Variants in SNX29 observed in about 807,000 individuals in gnomAD.
SNX29 encodes sorting nexin 29.
Under a neutral mutation model 102.1 loss-of-function variants are expected in SNX29, and 78 were observed. The ratio of observed to expected loss-of-function variants is 0.76; its 90% CI spans 0.64 to 0.92. The LOEUF (loss-of-function observed/expected upper bound fraction) is 0.92, where lower values mean the gene tolerates loss of function less well. Ranked by LOEUF, SNX29 falls within the 40% of genes least tolerant of loss-of-function variation. The probability of loss-of-function intolerance (pLI) is 0.00; values close to 1 mark genes in which losing one functional copy is unlikely to be tolerated. For synonymous variants in SNX29, 580 were observed against 414.5 expected, an observed-to-expected ratio of 1.40 and a Z score of -4.85; for missense variants, 1,280 against 1,061.7, an observed-to-expected ratio of 1.21 and a Z score of -2.86.
chr16:12,438,178 T>G (rs1237186983), intron 18 of SNX29, among the ~76,000 whole-genome samples: 3 of 152,154 alleles, frequency 2.0e-5, no homozygotes, highest in Non-Finnish European at 2.9e-5. Flanking sequence ...CTATCTTTAT[T>G]CTGACCTACT....
At chr16:12,519,674 T>G (rs1258826775) in intron 19 of SNX29, among the ~76,000 whole-genome samples, 2 of 152,210 alleles carry the variant, frequency 1.3e-5, no homozygotes, top group Non-Finnish European at 2.9e-5. Context: ...TCATTAAAAT[T>G]TGTGCTGCTT....
intron 11 of SNX29, among the ~76,000 whole-genome samples, chr16:12,102,260 A>T (rs1452810116): frequency 2.6e-5 from 4 of 152,208 alleles, no homozygotes; most frequent in Non-Finnish European, 5.9e-5. Context: ...AGCATGATTT[A>T]TAAACCTTTG....
At chr16:12,382,329 G>A (rs542399434) in intron 16 of SNX29, among the ~76,000 whole-genome samples, 1 of 152,284 alleles carries the variant, frequency 6.6e-6, no homozygotes, top group Admixed American at 6.5e-5. Context: ...TGCTCCGTCG[G>A]ACCCCACAGC....
At chr16:12,409,978 GT>G (rs920225865) in intron 18 of SNX29, among the ~76,000 whole-genome samples, 8 of 151,622 alleles carry the variant, frequency 5.3e-5, no homozygotes, top group Non-Finnish European at 1.0e-4. Flanking sequence ...TCAGCAAAGC[GT>G]TTTTTTTGTT....
chr16:11,988,216 CCCGGGAGG>C (rs960043952), intron 1 of SNX29, among the ~76,000 whole-genome samples: 2 of 151,430 alleles, frequency 1.3e-5, no homozygotes, highest in Admixed American at 6.6e-5. Flanking sequence ...ATCACTTGAA[CCCGGGAGG>C]CAGAGATTGC....
intron 18 of SNX29, among the ~76,000 whole-genome samples, chr16:12,411,544 T>G (rs905279377): frequency 2.0e-5 from 3 of 152,216 alleles, no homozygotes; most frequent in African/African-American, 4.8e-5. Flanking sequence ...TCTTTCCAAA[T>G]AGGAAGAATT....
chr16:12,344,698 A>G (rs2081735050), intron 15 of SNX29, among the ~76,000 whole-genome samples: 2 of 152,252 alleles, frequency 1.3e-5, no homozygotes, highest in Non-Finnish European at 2.9e-5. Flanking sequence ...TCTTAATGAC[A>G]GTGGCCTCAC....
intron 14 of SNX29, among the ~76,000 whole-genome samples, chr16:12,266,530 T>A (rs1178124403): frequency 1.3e-5 from 2 of 152,122 alleles, no homozygotes; most frequent in African/African-American, 4.8e-5. Context: ...TCCAAGGGAC[T>A]TCAGAGCTGT....
chr16:12,267,796 C>G (rs2078972244), intron 14 of SNX29, among the ~76,000 whole-genome samples: 1 of 152,196 alleles, frequency 6.6e-6, no homozygotes, highest in Admixed American at 6.5e-5. Flanking sequence ...TGCATATACC[C>G]TGTGGAGTGA....
At chr16:12,184,181 G>A (rs1303831974) in intron 13 of SNX29, among the ~76,000 whole-genome samples, 3 of 152,162 alleles carry the variant, frequency 2.0e-5, no homozygotes, top group Admixed American at 2.0e-4. Context: ...ATAGTATTAT[G>A]CTGGAGAAAA....
intron 13 of SNX29, among the ~76,000 whole-genome samples, chr16:12,132,140 C>T (rs1469575767): frequency 6.6e-6 from 1 of 151,632 alleles, no homozygotes; most frequent in Non-Finnish European, 1.5e-5. Context: ...CCTGTCGTGC[C>T]CAGGCTGGAG....
intron 20 of SNX29, among the ~76,000 whole-genome samples, chr16:12,556,152 A>C (rs1355123216): frequency 6.6e-6 from 1 of 152,006 alleles, no homozygotes; most frequent in Non-Finnish European, 1.5e-5. Context: ...GGAGTGGTTA[A>C]ATCGCTTTGT....
chr16:12,543,038 A>G (rs1016818368), intron 20 of SNX29, among the ~76,000 whole-genome samples: 4 of 152,168 alleles, frequency 2.6e-5, no homozygotes, highest in African/African-American at 9.7e-5. Context: ...CCAGAGGCTC[A>G]AAAAGTGTCA....
chr16:12,540,256 G>T (rs7499091), intron 20 of SNX29, among the ~76,000 whole-genome samples: 1 of 151,820 alleles, frequency 6.6e-6, no homozygotes, highest in Non-Finnish European at 1.5e-5. Context: ...CACCCCCAGC[G>T]TAAGGTCAAG....
At chr16:12,139,281 G>C (rs1306371380) in intron 13 of SNX29, among the ~76,000 whole-genome samples, 1 of 150,108 alleles carries the variant, frequency 6.7e-6, no homozygotes, top group Non-Finnish European at 1.5e-5. Flanking sequence ...AGGTCCCTCT[G>C]AGATACGCTT....
At chr16:12,074,881 T>A (rs1038180934) in intron 10 of SNX29, among the ~76,000 whole-genome samples, 11 of 152,192 alleles carry the variant, frequency 7.2e-5, no homozygotes, top group African/African-American at 2.7e-4. Flanking sequence ...TTCTTTTTTC[T>A]CTCAAATTCC....
chr16:12,150,912 C>T (rs1051665787), intron 13 of SNX29, among the ~76,000 whole-genome samples: 12 of 152,206 alleles, frequency 7.9e-5, no homozygotes, highest in Non-Finnish European at 1.6e-4. Context: ...GATAGGACCC[C>T]TGTTTTCCTC....
chr16:12,161,453 C>CT, intron 13 of SNX29, among the ~76,000 whole-genome samples: 1 of 152,288 alleles, frequency 6.6e-6, no homozygotes. Flanking sequence ...GCTGCAGCTT[C>CT]TTTAAGTGGC....
intron 6 of SNX29, among the ~76,000 whole-genome samples, chr16:12,047,071 C>T (rs528798642): frequency 6.6e-6 from 1 of 152,332 alleles, no homozygotes; most frequent in South Asian, 2.1e-4. Context: ...CCCTTGCTAC[C>T]TGGTGACCTG....
Sources: gnomAD v4.1 joint callset for allele counts (sites outside exome capture counted in the v4.1 genomes callset) on GRCh38, gnomAD v4.1.1 for gene constraint, MANE v1.5 for transcripts, NCBI Gene and HGNC (gene_info 2026-07-23, HGNC 2026-07-21) for gene names.